The following SEPTIN7 variants were observed in gnomAD, a reference collection of about 807,000 sequenced individuals.
SEPTIN7 encodes septin-7.
SEPTIN7 carries 10 observed loss-of-function variants against 63.3 expected under a neutral mutation model. The observed-to-expected ratio is 0.16, with a 90% confidence interval of 0.10 to 0.27. SEPTIN7 has a LOEUF of 0.27. Ranked by LOEUF, SEPTIN7 falls within the 10% of genes least tolerant of loss-of-function variation. The probability of loss-of-function intolerance (pLI) is 1.00; values close to 1 mark genes in which losing one functional copy is unlikely to be tolerated. For missense variants in SEPTIN7, 310 were observed against 521.0 expected (o/e 0.59, Z 3.94); for synonymous variants, 131 against 165.3 (o/e 0.79, Z 1.59).
At chr7:35,838,956 T>TTA (rs1784269471) in intron 3 of SEPTIN7, among the ~76,000 whole-genome samples, 1 of 152,224 alleles carries the variant, frequency 6.6e-6, no homozygotes, top group African/African-American at 2.4e-5. Context: ...ACCCTTTGGT[T>TTA]TAGTTCATTG....
At chr7:35,813,011 A>G (rs1195273597) in intron 1 of SEPTIN7, among the ~76,000 whole-genome samples, 1 of 152,204 alleles carries the variant, frequency 6.6e-6, no homozygotes, top group Non-Finnish European at 1.5e-5. Flanking sequence ...TGCAAGATAT[A>G]AGTCCGGAGG....
chr7:35,846,673 A>AT (rs1490021116), intron 3 of SEPTIN7: 2 of 154,402 alleles, frequency 1.3e-5, no homozygotes, highest in African/African-American at 2.4e-5. Context: ...AGGAAATGGC[A>AT]TCAGGCCTGT....
chr7:35,898,151 A>C, intron 11 of SEPTIN7, 97 bp from the exon 12 acceptor site: 1 of 811,630 alleles, frequency 1.2e-6, no homozygotes, highest in South Asian at 2.9e-5. Context: ...TAATAGTGAC[A>C]TATAGCATCT....
chr7:35,820,385 A>G (rs1032803977), intron 1 of SEPTIN7, among the ~76,000 whole-genome samples: 2 of 150,256 alleles, frequency 1.3e-5, no homozygotes, highest in Non-Finnish European at 3.0e-5. Context: ...TCCCTCCCTT[A>G]CTTCATGTTT....
intron 1 of SEPTIN7, among the ~76,000 whole-genome samples, chr7:35,821,758 G>C (rs1217208507): frequency 6.6e-6 from 1 of 152,054 alleles, no homozygotes; most frequent in East Asian, 1.9e-4. Context: ...ACCCAGTACT[G>C]GGCACTAGTA....
At chr7:35,862,197 A>G (rs889740353) in intron 3 of SEPTIN7, among the ~76,000 whole-genome samples, 7 of 152,074 alleles carry the variant, frequency 4.6e-5, no homozygotes, top group African/African-American at 1.4e-4. Flanking sequence ...CACTATTTAC[A>G]TTTTGGTGTG....
At chr7:35,908,089 A>G (rs1006645096), downstream of SEPTIN7, among the ~76,000 whole-genome samples, 3 of 152,198 alleles carry the variant, frequency 2.0e-5, no homozygotes, top group Non-Finnish European at 4.4e-5. Context: ...GAAATAAGGT[A>G]ATTTTGGTCA....
At chr7:35,823,307 T>C (rs950386663) in intron 1 of SEPTIN7, among the ~76,000 whole-genome samples, 1 of 152,194 alleles carries the variant, frequency 6.6e-6, no homozygotes, top group Non-Finnish European at 1.5e-5. Flanking sequence ...GTTCAAGGGA[T>C]TCTCCTGCTT....
intron 6 of SEPTIN7, among the ~76,000 whole-genome samples, chr7:35,875,463 G>A (rs1276118220): frequency 3.3e-5 from 5 of 152,158 alleles, no homozygotes; most frequent in African/African-American, 1.2e-4. Flanking sequence ...TTTCCGTCTT[G>A]TCTGGGTAGT....
intron 1 of SEPTIN7, among the ~76,000 whole-genome samples, chr7:35,814,974 C>CA (rs56795764): frequency 0.13 from 2,811 of 21,664 alleles, 406 homozygotes; most frequent in African/African-American, 0.2. Flanking sequence ...GACTCCTTCT[C>CA]AAAAAAAAAA....
intron 12 of SEPTIN7, 92 bp from the exon 13 acceptor site, chr7:35,902,984 C>T: frequency 7.0e-7 from 1 of 1,431,756 alleles, no homozygotes; most frequent in African/African-American, 1.4e-5. Flanking sequence ...AAATAGTGCT[C>T]ATACTCCTTA....
chr7:35,860,684 C>T (rs1785457712), intron 3 of SEPTIN7, among the ~76,000 whole-genome samples: 1 of 152,208 alleles, frequency 6.6e-6, no homozygotes, highest in African/African-American at 2.4e-5. Flanking sequence ...GCCTTCAGGC[C>T]TCCAAGGTTT....
rs1027222085 is a variant in SEPTIN7 at position 35,906,371 on chromosome 7, T to C, written c.*2078T>C. On this transcript the variant is annotated 3_prime_UTR_variant, in exon 14 of 14. Coordinates refer to ENST00000350320, the MANE Select transcript of SEPTIN7 (RefSeq NM_001788.6). ...TGATTGTTGACTCCAGGCTTAGGTA[T>C]ATCAGAAGGTTCTTTTTGCCATTTG... is the stretch of plus-strand genomic sequence containing the variant. 1 of 152,212 alleles carries C rather than the reference T, an allele frequency of 6.6e-6. No individual in the cohort carries two copies. The highest frequency in any genetic ancestry group is 2.4e-5 in the African/African-American group (1 of 41,462). 9.4% of individuals were successfully genotyped at this position (152,212 alleles called of 1,614,324 possible). A position where few individuals can be genotyped will look rare whatever the true frequency, so the allele number is the denominator to read the frequency against.
chr7:35,877,935 A>G (rs746735810), intron 6 of SEPTIN7, among the ~76,000 whole-genome samples: 5 of 152,230 alleles, frequency 3.3e-5, no homozygotes, highest in African/African-American at 9.6e-5. Context: ...CGTAGCCTAC[A>G]TTTGGGCAAA....
chr7:35,886,651 C>A (rs775655815), intron 10 of SEPTIN7, among the ~76,000 whole-genome samples: 3 of 152,232 alleles, frequency 2.0e-5, no homozygotes, highest in African/African-American at 7.2e-5. Context: ...TTACCACATA[C>A]TCTCTTTAAC....
At chr7:35,875,291 T>C (rs1287714076) in intron 6 of SEPTIN7, among the ~76,000 whole-genome samples, 1 of 152,212 alleles carries the variant, frequency 6.6e-6, no homozygotes, top group East Asian at 1.9e-4. Flanking sequence ...CTTTGAACAA[T>C]TTCTCAGTTT....
At position 35,883,995 on chromosome 7, in the gene SEPTIN7, T is replaced by C. The variant is rs1387846139; in HGVS notation, c.820+8T>C. 10 of 1,559,862 alleles carry C rather than the reference T, an allele frequency of 6.4e-6. No individual in the cohort carries two copies. The highest frequency in any genetic ancestry group is 8.8e-6 in the Non-Finnish European group (10 of 1,131,572). ...CTTGGGGTGTTGCTGAAGGTAAGAT[T>C]TTCTTCAGTGAATGACTTTCTAAAA... On this transcript the variant is annotated splice_region_variant and intron_variant, in intron 9 of 13. Transcript: ENST00000350320.
intron 6 of SEPTIN7, among the ~76,000 whole-genome samples, chr7:35,875,313 T>C (rs756895212): frequency 6.6e-6 from 1 of 152,156 alleles, no homozygotes; most frequent in African/African-American, 2.4e-5. Flanking sequence ...TTTTTAGAAA[T>C]GGAGCAAAGT....
intron 10 of SEPTIN7, among the ~76,000 whole-genome samples, chr7:35,887,326 G>T (rs1051079175): frequency 6.6e-6 from 1 of 152,154 alleles, no homozygotes; most frequent in Non-Finnish European, 1.5e-5. Flanking sequence ...CTAAAACACT[G>T]TAGAGGGGAA....
Sources: gnomAD v4.1 joint callset for allele counts (sites outside exome capture counted in the v4.1 genomes callset) on GRCh38, gnomAD v4.1.1 for gene constraint, MANE v1.5 for transcripts, NCBI Gene and HGNC (gene_info 2026-07-23, HGNC 2026-07-21) for gene names.